Variants in CMTM8 observed in about 807,000 individuals in gnomAD.
CMTM8 encodes CKLF-like MARVEL transmembrane domain-containing protein 8.
In CMTM8, 12 loss-of-function variants were observed where a neutral mutation model predicts 18.6. That is an observed-to-expected ratio of 0.65 (90% CI 0.41 to 1.05). CMTM8 has a LOEUF of 1.05. Among genes scored for constraint, CMTM8 ranks in the 50% least tolerant of loss-of-function variants. The pLI is 0.00. For synonymous variants in CMTM8, 87 were observed against 90.6 expected (o/e 0.96, Z 0.23); for missense variants, 217 against 227.2 (o/e 0.95, Z 0.29).
At chr3:32,366,858 G>A (rs1426040661) in intron 2 of CMTM8, among the ~76,000 whole-genome samples, 1 of 103,642 alleles carries the variant, frequency 9.6e-6, no homozygotes, top group Non-Finnish European at 2.2e-5. Context: ...CTGACCCTGG[G>A]TCTGACTGTG....
At chr3:32,269,541 G>A (rs955160454) in intron 1 of CMTM8, among the ~76,000 whole-genome samples, 2 of 152,120 alleles carry the variant, frequency 1.3e-5, no homozygotes, top group Non-Finnish European at 2.9e-5. Flanking sequence ...CTAGGTCACT[G>A]GTTACTACCA....
intron 2 of CMTM8, among the ~76,000 whole-genome samples, chr3:32,364,861 C>CT (rs1697002557): frequency 6.6e-6 from 1 of 152,224 alleles, no homozygotes; most frequent in Non-Finnish European, 1.5e-5. Flanking sequence ...CTTGGCCCCT[C>CT]TGCCACTGGG....
In CMTM8 at chr3:32,238,848, C is replaced by A; in HGVS notation, c.-125C>A. 1 of 856,956 alleles carries A rather than the reference C, an allele frequency of 1.2e-6. No individual in the cohort carries two copies. The highest frequency in any genetic ancestry group is 1.6e-6 in the Non-Finnish European group (1 of 641,620). The allele number at this position is 856,956 out of a possible 1,614,324, so 53.1% of individuals were successfully genotyped here. A position where few individuals can be genotyped will look rare whatever the true frequency, so the allele number is the denominator to read the frequency against. The stretch of plus-strand genomic sequence containing the variant: ...GCCCCCGGCGGGCGCCCCCCTCGCA[C>A]CTCCTGCCCCGCGCGGGCCGCGCTC... On this transcript the variant is annotated 5_prime_UTR_variant, in exon 1 of 4. Transcript: ENST00000307526.
At position 32,367,998 on chromosome 3, in the gene CMTM8, C is replaced by T; in HGVS notation, c.438+10C>T. 6.5e-7 allele frequency: 1 copy of T among 1,539,622 alleles called. No homozygotes were observed. The highest frequency in any genetic ancestry group is 1.1e-5 in the South Asian group (1 of 89,512). ...CTGGGCGGCCTCATCGGTGAGTAGC[C>T]CTCCATCCCCACATGATCCTCCTCT... On this transcript the variant is annotated intron_variant, in intron 3 of 3. Coordinates refer to ENST00000307526, the MANE Select transcript of CMTM8 (RefSeq NM_178868.5).
At chr3:32,248,982 T>C (rs1702079293) in intron 1 of CMTM8, among the ~76,000 whole-genome samples, 2 of 146,776 alleles carry the variant, frequency 1.4e-5, no homozygotes, top group South Asian at 4.5e-4. Context: ...GTGTTTTCAG[T>C]CCTCTTGAGC....
At chr3:32,274,573 A>G (rs1186127596) in intron 1 of CMTM8, among the ~76,000 whole-genome samples, 3 of 152,146 alleles carry the variant, frequency 2.0e-5, no homozygotes, top group African/African-American at 4.8e-5. Flanking sequence ...TGCAGACATC[A>G]CACTCCTAAA....
intron 1 of CMTM8, among the ~76,000 whole-genome samples, chr3:32,250,573 G>T (rs774102952): frequency 3.7e-4 from 56 of 152,110 alleles, no homozygotes; most frequent in African/African-American, 1.3e-3. Flanking sequence ...ACAATGTTTT[G>T]TAGTTTTCAG....
intron 2 of CMTM8, among the ~76,000 whole-genome samples, chr3:32,360,167 C>T (rs2125601012): frequency 6.6e-6 from 1 of 152,308 alleles, no homozygotes; most frequent in East Asian, 1.9e-4. Flanking sequence ...GGTATTGAAC[C>T]TTGCCACCCA....
chr3:32,347,297 G>T (rs1450290108), intron 1 of CMTM8, among the ~76,000 whole-genome samples: 4 of 136,544 alleles, frequency 2.9e-5, no homozygotes, highest in Admixed American at 7.2e-5. Flanking sequence ...TTTTGCTTAG[G>T]TTTTTTTTTT....
At chr3:32,345,611 T>A (rs1297284312) in intron 1 of CMTM8, among the ~76,000 whole-genome samples, 1 of 152,118 alleles carries the variant, frequency 6.6e-6, no homozygotes, top group Non-Finnish European at 1.5e-5. Flanking sequence ...AAACCTTAGG[T>A]CATTAAAAAA....
chr3:32,246,324 C>T (rs960702130), intron 1 of CMTM8, among the ~76,000 whole-genome samples: 2 of 152,164 alleles, frequency 1.3e-5, no homozygotes, highest in African/African-American at 4.8e-5. Flanking sequence ...AGAGCAGGTT[C>T]TGGACATTCA....
At chr3:32,359,564 T>C (rs951129876) in intron 2 of CMTM8, among the ~76,000 whole-genome samples, 1 of 152,064 alleles carries the variant, frequency 6.6e-6, no homozygotes, top group African/African-American at 2.4e-5. Context: ...CACTCCAGCT[T>C]GGGCGACAGA....
intron 1 of CMTM8, among the ~76,000 whole-genome samples, chr3:32,302,691 A>G (rs1415525141): frequency 2.0e-5 from 3 of 152,186 alleles, no homozygotes; most frequent in Admixed American, 6.5e-5. Flanking sequence ...TTCACAAGGC[A>G]TGGGTTTTTC....
rs188789777 is a variant in CMTM8 at position 32,348,624 on chromosome 3, A to G, written c.148-8749A>G. ...AGCAATCCTCCTACCTCAGCCTCCC[A>G]AGTAGCTAGGACTACAGGCACGTGC... On this transcript the variant is annotated intron_variant, in intron 1 of 3. Coordinates refer to ENST00000307526, the MANE Select transcript of CMTM8 (RefSeq NM_178868.5). Among the ~76,000 whole-genome samples the G allele has an allele frequency of 2.4e-3, 339 of 143,720 alleles. 4 individuals carry two copies. Among genetic ancestry groups the G allele is most frequent in the African/African-American group, 8.2e-3 (321 of 39,098 alleles). 94.3% of individuals were successfully genotyped at this position (143,720 alleles called of 152,430 possible).
chr3:32,349,581 A>G (rs73824697), intron 1 of CMTM8, among the ~76,000 whole-genome samples: 12,343 of 152,204 alleles, frequency 0.081, 601 homozygotes, highest in East Asian at 0.18. Flanking sequence ...GGCAATATCC[A>G]GAGACATTTT....
chr3:32,321,180 G>C (rs1296359565), intron 1 of CMTM8, among the ~76,000 whole-genome samples: 1 of 152,146 alleles, frequency 6.6e-6, no homozygotes, highest in African/African-American at 2.4e-5. Context: ...TGAAGCGGCG[G>C]GGGGGCCAGC....
chr3:32,325,473 A>G (rs1469337227), intron 1 of CMTM8, among the ~76,000 whole-genome samples: 1 of 152,184 alleles, frequency 6.6e-6, no homozygotes, highest in Non-Finnish European at 1.5e-5. Flanking sequence ...TGGAACAGAA[A>G]CGTCACAGTA....
intron 1 of CMTM8, among the ~76,000 whole-genome samples, chr3:32,289,127 T>G (rs1190627424): frequency 6.6e-6 from 1 of 152,184 alleles, no homozygotes; most frequent in Non-Finnish European, 1.5e-5. Flanking sequence ...GATTGAAACT[T>G]CTGTCTGAAG....
intron 1 of CMTM8, among the ~76,000 whole-genome samples, chr3:32,350,753 G>A (rs1447604413): frequency 6.6e-6 from 1 of 152,186 alleles, no homozygotes; most frequent in African/African-American, 2.4e-5. Context: ...TCGAACTCCT[G>A]ACCTCGTGAT....
Sources: allele counts gnomAD v4.1 joint callset (sites outside exome capture counted in the v4.1 genomes callset), GRCh38; gene constraint gnomAD v4.1.1; transcripts MANE v1.5; gene names NCBI Gene and HGNC (gene_info 2026-07-23, HGNC 2026-07-21).